Variants in HIPK3 observed in about 807,000 individuals in gnomAD.
The protein encoded by HIPK3 is homeodomain interacting protein kinase 3, also known as homeodomain-interacting protein kinase 3.
Under a neutral mutation model 124.2 loss-of-function variants are expected in HIPK3, and 47 were observed. The observed-to-expected ratio is 0.38, with a 90% CI of 0.30 to 0.48. The LOEUF (loss-of-function observed/expected upper bound fraction) is 0.48, where lower values mean the gene tolerates loss of function less well. HIPK3 is among the 20% of genes least tolerant of loss of function. The pLI is 0.98. For missense variants in HIPK3, 1,286 were observed against 1,454.3 expected (o/e 0.88, Z 1.88); for synonymous variants, 482 against 515.2 (o/e 0.94, Z 0.87).
intron 2 of HIPK3, among the ~76,000 whole-genome samples, chr11:33,306,774 G>A (rs1852172579): frequency 6.6e-6 from 1 of 152,122 alleles, no homozygotes. Context: ...CTATTAAAGT[G>A]GCATGGTTTA....
intron 2 of HIPK3, among the ~76,000 whole-genome samples, chr11:33,325,301 T>C (rs1008753917): frequency 6.6e-6 from 1 of 152,226 alleles, no homozygotes; most frequent in Non-Finnish European, 1.5e-5. Flanking sequence ...CTTTCCTTTA[T>C]TGCCAAATGC....
chr11:33,294,247 T>C (rs1335291575), intron 2 of HIPK3, among the ~76,000 whole-genome samples: 1 of 151,810 alleles, frequency 6.6e-6, no homozygotes, highest in East Asian at 1.9e-4. Context: ...AACTTTTACA[T>C]TGAAATTATC....
chr11:33,353,955 T>C lies in HIPK3; in HGVS notation c.*387T>C. 4.9e-6 allele frequency: 1 copy of C among 205,354 alleles called. No individual in the cohort carries two copies. Among genetic ancestry groups the C allele is most frequent in the South Asian group, 8.9e-5 (1 of 11,284 alleles). The allele number at this position is 205,354 out of a possible 1,614,324, so 12.7% of individuals were successfully genotyped here. A position where few individuals can be genotyped will look rare whatever the true frequency, so the allele number is the denominator to read the frequency against. ...TACAGCATACAAGTGAATTGTATTA[T>C]CCGTGTCTTAGTGTATAAATGTTGG... On this transcript the variant is annotated 3_prime_UTR_variant, in exon 17 of 17. Coordinates refer to ENST00000303296, the MANE Select transcript of HIPK3 (RefSeq NM_005734.5).
intron 2 of HIPK3, among the ~76,000 whole-genome samples, chr11:33,296,706 T>C (rs1851850604): frequency 1.3e-5 from 2 of 152,310 alleles, no homozygotes; most frequent in Admixed American, 6.5e-5. Context: ...ACTGTGCCTA[T>C]ATAAGATGGT....
At chr11:33,272,864 G>A (rs1851171739) in intron 1 of HIPK3, among the ~76,000 whole-genome samples, 2 of 108,520 alleles carry the variant, frequency 1.8e-5, no homozygotes, top group South Asian at 3.4e-4. Context: ...GTCCCCTGTC[G>A]AGATGAGGTC....
intron 6 of HIPK3, among the ~76,000 whole-genome samples, chr11:33,340,664 C>G (rs886265902): frequency 2.0e-5 from 3 of 151,954 alleles, no homozygotes; most frequent in African/African-American, 4.8e-5. Flanking sequence ...GTGTGGAGAT[C>G]TCGAAATTTC....
chr11:33,341,342 C>A (rs1853328701), intron 7 of HIPK3, among the ~76,000 whole-genome samples: 1 of 152,160 alleles, frequency 6.6e-6, no homozygotes, highest in South Asian at 2.1e-4. Flanking sequence ...TTCATTCTCT[C>A]AATACCTTTC....
chr11:33,350,551 G>A (rs997671864), intron 14 of HIPK3, among the ~76,000 whole-genome samples: 3 of 151,616 alleles, frequency 2.0e-5, no homozygotes, highest in Non-Finnish European at 4.4e-5. Flanking sequence ...TTGCATGCCT[G>A]TAGTGCTAGC....
chr11:33,347,392 T>C lies in HIPK3; in HGVS notation c.1997T>C (p.Ile666Thr). 6.2e-7 allele frequency: 1 copy of C among 1,614,096 alleles called. No individual in the cohort carries two copies. Among genetic ancestry groups the C allele is most frequent in the Non-Finnish European group, 8.5e-7 (1 of 1,179,990 alleles). The change falls in exon 9 of 17, where the codon ATC (isoleucine) becomes ACC (threonine). Residue 666 changes from isoleucine (I) to threonine (T), a missense_variant. Physicochemically the swap from Ile to Thr is moderately conservative, Grantham distance 89. Around this residue, in one of 3 missense-constraint regions of HIPK3, gnomAD observed 810 missense variants for 864.9 expected, o/e 0.94. Coordinates refer to ENST00000303296, the MANE Select transcript of HIPK3 (RefSeq NM_005734.5). Reference protein sequence around the residue: ...TQAPAVQPLQIRPGVLSQTWS... With the variant: ...TQAPAVQPLQTRPGVLSQTWS... ...GCCCCAGCTGTGCAGCCACTACAGA[T>C]CCGACCAGGAGTTCTTTCTCAGGTT...
chr11:33,262,643 G>C (rs1291886558), intron 1 of HIPK3, among the ~76,000 whole-genome samples: 1 of 152,132 alleles, frequency 6.6e-6, no homozygotes, highest in African/African-American at 2.4e-5. Flanking sequence ...TTTTATATTT[G>C]GCAGTTAATG....
At chr11:33,276,209 G>A (rs1325068113) in intron 1 of HIPK3, among the ~76,000 whole-genome samples, 1 of 152,006 alleles carries the variant, frequency 6.6e-6, no homozygotes, top group Non-Finnish European at 1.5e-5. Flanking sequence ...AGAGTAAGTT[G>A]CAGGCATGTC....
chr11:33,311,521 A>G (rs540948002), intron 2 of HIPK3, among the ~76,000 whole-genome samples: 1 of 152,224 alleles, frequency 6.6e-6, no homozygotes, highest in Admixed American at 6.5e-5. Context: ...TTTGTAGAGT[A>G]GTTTTAGGTT....
chr11:33,331,953 G>T (rs266486), intron 3 of HIPK3, among the ~76,000 whole-genome samples: 1 of 152,104 alleles, frequency 6.6e-6, no homozygotes, highest in South Asian at 2.1e-4. Flanking sequence ...GAGTGCAGTG[G>T]CAGGATCATG....
chr11:33,272,313 C>T (rs1031806559), intron 1 of HIPK3, among the ~76,000 whole-genome samples: 7 of 151,826 alleles, frequency 4.6e-5, no homozygotes, highest in African/African-American at 1.5e-4. Context: ...GCAGGAGAAT[C>T]GCTTGAACAT....
intron 2 of HIPK3, among the ~76,000 whole-genome samples, chr11:33,303,534 G>A (rs901733749): frequency 6.6e-6 from 1 of 152,132 alleles, no homozygotes; most frequent in African/African-American, 2.4e-5. Context: ...TGCTATATAT[G>A]TAGCTTTGTT....
intron 2 of HIPK3, among the ~76,000 whole-genome samples, chr11:33,321,583 A>C (rs1457794783): frequency 1.3e-5 from 2 of 152,184 alleles, no homozygotes; most frequent in African/African-American, 2.4e-5. Flanking sequence ...ATGTGGTAAG[A>C]ATGTGGAAGC....
intron 2 of HIPK3, among the ~76,000 whole-genome samples, chr11:33,318,671 ATC>A (rs1253210512): frequency 1.3e-5 from 2 of 152,188 alleles, no homozygotes; most frequent in African/African-American, 2.4e-5. Context: ...TGCCAGCAAA[ATC>A]TCTCTGTCTC....
rs181286138 is a variant in HIPK3 at position 33,305,467 on chromosome 11, C to T, written c.1097+17956C>T. Among the ~76,000 whole-genome samples, 35 of 152,248 alleles carry T rather than the reference C, an allele frequency of 2.3e-4. No individual in the cohort carries two copies. In the East Asian group the frequency reaches 6.5e-3, roughly 28 times the overall value. On this transcript the variant is annotated intron_variant, in intron 2 of 16. Coordinates refer to ENST00000303296, the MANE Select transcript of HIPK3 (RefSeq NM_005734.5). Reference sequence around the variant, plus strand: ...TATTTACTGACTGCTTAGGTTCAGCCGCTGTGCTAGAAACTTTGCATAATT... The same window carrying T: ...TATTTACTGACTGCTTAGGTTCAGCTGCTGTGCTAGAAACTTTGCATAATT...
chr11:33,257,983 G>C, intron 1 of HIPK3, 94 bp downstream of exon 1: 1 of 952,090 alleles, frequency 1.1e-6, no homozygotes, highest in Non-Finnish European at 1.3e-6. Context: ...AGCCTGACCC[G>C]GGCCTGGCCC....
Sources: allele counts gnomAD v4.1 joint callset (sites outside exome capture counted in the v4.1 genomes callset), GRCh38; gene constraint gnomAD v4.1.1; regional missense constraint gnomAD v4.1.1; transcripts MANE v1.5; gene names NCBI Gene and HGNC (gene_info 2026-07-23, HGNC 2026-07-21).